ITIH1: variants seen among roughly 807,000 people sequenced by gnomAD.
ITIH1 encodes inter-alpha-trypsin inhibitor heavy chain 1.
In ITIH1, 94 loss-of-function variants were observed where a neutral mutation model predicts 104.6. The ratio of observed to expected loss-of-function variants is 0.90; its 90% CI spans 0.76 to 1.07. ITIH1 has a LOEUF of 1.07. ITIH1 is among the 50% of genes least tolerant of loss of function. The probability of loss-of-function intolerance (pLI) is 0.00; values close to 1 mark genes in which losing one functional copy is unlikely to be tolerated. For synonymous variants in ITIH1, 455 were observed against 464.4 expected (o/e 0.98, Z 0.26); for missense variants, 1,193 against 1,181.4 (o/e 1.01, Z -0.14).
chr3:52,789,477 G>A (rs976422806), intron 18 of ITIH1, among the ~76,000 whole-genome samples, 176 bp from the exon 19 acceptor site: 4 of 152,164 alleles, frequency 2.6e-5, no homozygotes, highest in African/African-American at 9.7e-5. Context: ...GGGGTGGAGA[G>A]GAAGGAGAGG....
In ITIH1 at chr3:52,779,189, G is replaced by T; in HGVS notation, c.410+143G>T. 1.3e-6 allele frequency: 1 copy of T among 745,824 alleles called. No homozygotes were observed. The highest frequency in any genetic ancestry group is 2.4e-6 in the Non-Finnish European group (1 of 424,868). The allele number at this position is 745,824 out of a possible 1,614,324, so 46.2% of individuals were successfully genotyped here. A position where few individuals can be genotyped will look rare whatever the true frequency, so the allele number is the denominator to read the frequency against. ...ACTGCCCAAACCCAGATGCCAGCAC[G>T]GTGCACTGAACAGGCTGCCGTGCAG... On this transcript the variant is annotated intron_variant, in intron 4 of 21. Coordinates refer to ENST00000273283, the MANE Select transcript of ITIH1 (RefSeq NM_002215.4). The surrounding 1 kb of genome is among the most constrained non-coding windows in gnomAD (Gnocchi z 4.4).
chr3:52,781,227 T>C (rs1176165476), intron 6 of ITIH1, among the ~76,000 whole-genome samples: 1 of 71,806 alleles, frequency 1.4e-5, no homozygotes, highest in Admixed American at 1.9e-4. Flanking sequence ...CTTCTTCTTC[T>C]TCTTCTTCTT....
chr3:52,780,908 G>A (rs1401116983), intron 6 of ITIH1, among the ~76,000 whole-genome samples: 3 of 152,228 alleles, frequency 2.0e-5, no homozygotes, highest in Admixed American at 2.0e-4. Context: ...GTGTATGGAT[G>A]GGCAATGCCC....
At chr3:52,788,796 G>A (rs1186000788) in intron 18 of ITIH1, among the ~76,000 whole-genome samples, 1 of 152,132 alleles carries the variant, frequency 6.6e-6, no homozygotes, top group African/African-American at 2.4e-5. Flanking sequence ...CCTGACCTCA[G>A]GTGATCCGTC....
Position 52,779,625 on chromosome 3 carries a change from G to C in ITIH1, c.573+31G>C. The C allele has an allele frequency of 6.2e-7, 1 of 1,612,640 alleles. No homozygotes were observed. Among genetic ancestry groups the C allele is most frequent in the Non-Finnish European group, 8.5e-7 (1 of 1,178,766 alleles). On this transcript the variant is annotated intron_variant, in intron 5 of 21. Transcript: ENST00000273283. This position sits in a 1 kb window ranked among gnomAD's most constrained non-coding sequence, Gnocchi z 4.4. ...TCACAGGTCCCGGGGCAGGGGTCCT[G>C]CCCCTCTCTCCGTCACCATGGCTCC...
chr3:52,785,012 C>A, intron 11 of ITIH1, 32 bp from the exon 12 acceptor site: 1 of 1,608,192 alleles, frequency 6.2e-7, no homozygotes, highest in South Asian at 1.1e-5. Context: ...CCAGGGTGCT[C>A]AGCTCTAAGG....
Position 52,778,028 on chromosome 3 carries a change from G to T in ITIH1, c.138+11G>T. On this transcript the variant is annotated intron_variant, in intron 2 of 21. Coordinates refer to ENST00000273283, the MANE Select transcript of ITIH1 (RefSeq NM_002215.4). ...CAGGCTGTGGACACCGTGAGTAAGA[G>T]TCCTGGCAAAGGGGTCTGTGACAGA... 6.2e-7 allele frequency: 1 copy of T among 1,614,200 alleles called. No homozygotes were observed.
chr3:52,780,587 G>A (rs1389783327), intron 6 of ITIH1, among the ~76,000 whole-genome samples: 4 of 152,248 alleles, frequency 2.6e-5, no homozygotes, highest in African/African-American at 7.2e-5. Flanking sequence ...AAGCCTGCAT[G>A]CTGAGGTGGG....
rs1439542816 is a variant in ITIH1, at chr3:52,779,167, G to T, written c.410+121G>T. On this transcript the variant is annotated intron_variant, in intron 4 of 21. Coordinates refer to ENST00000273283, the MANE Select transcript of ITIH1 (RefSeq NM_002215.4). The surrounding 1 kb of genome is among the most constrained non-coding windows in gnomAD (Gnocchi z 4.4). The stretch of plus-strand genomic sequence containing the variant: ...AGGATGATGGAAGGGTAAGCAAACT[G>T]CCCAAACCCAGATGCCAGCACGGTG... 4 of 800,678 alleles carry T rather than the reference G, an allele frequency of 5.0e-6. No homozygotes were observed. Among genetic ancestry groups the T allele is most frequent in the Non-Finnish European group, 8.6e-6 (4 of 463,032 alleles). The allele number at this position is 800,678 out of a possible 1,614,324, so 49.6% of individuals were successfully genotyped here. A position where few individuals can be genotyped will look rare whatever the true frequency, so the allele number is the denominator to read the frequency against.
chr3:52,777,707 C>T lies in ITIH1; in HGVS notation c.92C>T (p.Ala31Val). The T allele has an allele frequency of 6.3e-7, 1 of 1,598,280 alleles. No homozygotes were observed. The highest frequency in any genetic ancestry group is 8.5e-7 in the Non-Finnish European group (1 of 1,173,012). Residue 31 changes from alanine to valine, a missense_variant, in exon 1 of 22, where the codon GCT becomes GTT. Physicochemically the swap from Ala to Val is moderately conservative, Grantham distance 64. Transcript: ENST00000273283. ...CAGGCCATGCCTGCCCTGGGCTCGG[C>T]TACAGGCAGGTCCAAGAGCAGCGAG... ...ILQAMPALGS[A>V]TGRSKSSEKR...
In ITIH1 at chr3:52,779,168, C is replaced by A. The variant is rs1698977639; in HGVS notation, c.410+122C>A. ...GGATGATGGAAGGGTAAGCAAACTG[C>A]CCAAACCCAGATGCCAGCACGGTGC... On this transcript the variant is annotated intron_variant, in intron 4 of 21. Transcript: ENST00000273283. This position sits in a 1 kb window ranked among gnomAD's most constrained non-coding sequence, Gnocchi z 4.4. The A allele has an allele frequency of 3.8e-6, 3 of 796,204 alleles. No individual in the cohort carries two copies. In the East Asian group the frequency reaches 7.8e-5, roughly 21 times the overall value. The allele number at this position is 796,204 out of a possible 1,614,324, so 49.3% of individuals were successfully genotyped here.
rs201776145 is a variant in ITIH1 at position 52,790,903 on chromosome 3, C to G, written c.2476C>G (p.Arg826Gly). The G allele has an allele frequency of 1.9e-6, 3 of 1,603,404 alleles. No individual in the cohort carries two copies. Among genetic ancestry groups the G allele is most frequent in the Admixed American group, 3.5e-5 (2 of 57,304 alleles). Residue 826 changes from arginine to glycine, a missense_variant, in exon 20 of 22, where the codon CGG becomes GGG. By Grantham distance (125) the Arg-to-Gly change is moderately radical. Coordinates refer to ENST00000273283, the MANE Select transcript of ITIH1 (RefSeq NM_002215.4). The stretch of plus-strand genomic sequence containing the variant: ...GCTGGACAGTCATCGGATGTCAGCC[C>G]GGACGCACGGGCTGCTGGGTACGGC... ...YVLDSHRMSA[R>G]THGLLGQFFH...
At chr3:52,784,565 A>G in intron 11 of ITIH1, 88 bp downstream of exon 11, 1 of 1,291,178 alleles carries the variant, frequency 7.7e-7, no homozygotes, top group Non-Finnish European at 1.1e-6. Flanking sequence ...CTAGAGGAGC[A>G]GATAAAGCTC....
rs1190274469 is a variant in ITIH1 at position 52,779,924 on chromosome 3, T to A, written c.573+330T>A. ...TCCCGCGCAGCCTGAGGGCCTGGAA[T>A]TATTGCTGGCACCTAAGTGGTGGCT... On this transcript the variant is annotated intron_variant, in intron 5 of 21. Coordinates refer to ENST00000273283, the MANE Select transcript of ITIH1 (RefSeq NM_002215.4). This position sits in a 1 kb window ranked among gnomAD's most constrained non-coding sequence, Gnocchi z 4.4. 2.9e-6 allele frequency: 4 copies of A among 1,374,662 alleles called. No homozygotes were observed. Among genetic ancestry groups the A allele is most frequent in the Non-Finnish European group, 3.8e-6 (4 of 1,063,000 alleles). The allele number at this position is 1,374,662 out of a possible 1,614,324, so 85.2% of individuals were successfully genotyped here.
intron 18 of ITIH1, among the ~76,000 whole-genome samples, chr3:52,789,416 C>T (rs777099321): frequency 6.6e-6 from 1 of 151,988 alleles, no homozygotes; most frequent in Non-Finnish European, 1.5e-5. Context: ...GCACGACCTC[C>T]GTTAGGACCC....
intron 18 of ITIH1, among the ~76,000 whole-genome samples, chr3:52,789,110 G>A (rs2239549): frequency 0.31 from 47,075 of 152,024 alleles, 8,610 homozygotes; most frequent in Admixed American, 0.44. Flanking sequence ...ATCTGCAAGT[G>A]TTTGTTGTGC....
rs761386452 is a variant in ITIH1, at chr3:52,786,933, T to A, written c.1734-12T>A. On this transcript the variant is annotated splice_polypyrimidine_tract_variant and intron_variant, in intron 13 of 21. Coordinates refer to ENST00000273283, the MANE Select transcript of ITIH1 (RefSeq NM_002215.4). ...AGTCGGGGCTTGGAGCCAGCCTCTG[T>A]CTTGAATGCAGGATGAAGGTGGACA... 8.1e-6 allele frequency: 13 copies of A among 1,605,828 alleles called. No homozygotes were observed. The highest frequency in any genetic ancestry group is 1.0e-5 in the Non-Finnish European group (12 of 1,174,980).
At chr3:52,784,567 A>G in intron 11 of ITIH1, 90 bp downstream of exon 11, 1 of 1,280,880 alleles carries the variant, frequency 7.8e-7, no homozygotes, top group South Asian at 1.4e-5. Context: ...AGAGGAGCAG[A>G]TAAAGCTCTG....
chr3:52,789,562 C>T (rs1050250295), intron 18 of ITIH1, 91 bp from the exon 19 acceptor site: 14 of 1,127,790 alleles, frequency 1.2e-5, no homozygotes, highest in Admixed American at 5.2e-5. Flanking sequence ...ACAGGCAGGG[C>T]GTAGAGGCCT....
Sources: allele counts gnomAD v4.1 joint callset (sites outside exome capture counted in the v4.1 genomes callset), GRCh38; gene constraint gnomAD v4.1.1; non-coding constraint Gnocchi (gnomAD v3.1); transcripts MANE v1.5; gene names NCBI Gene and HGNC (gene_info 2026-07-23, HGNC 2026-07-21).